The following DLG2 variants were observed in gnomAD, a reference collection of about 807,000 sequenced individuals.
DLG2 encodes disks large homolog 2.
Under a neutral mutation model 132.5 loss-of-function variants are expected in DLG2, and 45 were observed. The observed-to-expected ratio is 0.34, with a 90% confidence interval of 0.27 to 0.44. The LOEUF is 0.44. Among genes scored for constraint, DLG2 ranks in the 20% least tolerant of loss-of-function variants. The pLI is 1.00. For synonymous variants in DLG2, 424 were observed against 419.6 expected (o/e 1.01, Z -0.13); for missense variants, 1,045 against 1,196.9 (o/e 0.87, Z 1.87).
In DLG2 at chr11:84,880,132, G is replaced by A. The variant is rs554868636; in HGVS notation, c.357+231529C>T. ...GTGAATGAGAATAAATGGAGGGGAAGCATCTCACCAGACAGAGAGATCAAA... is the reference window on the plus strand; with the variant it reads ...GTGAATGAGAATAAATGGAGGGGAAACATCTCACCAGACAGAGAGATCAAA... On this transcript the variant is annotated intron_variant, in intron 6 of 27. Coordinates refer to ENST00000376104, the MANE Select transcript of DLG2 (RefSeq NM_001142699.3). Among the ~76,000 whole-genome samples the A allele has an allele frequency of 1.3e-5, 2 of 151,978 alleles. 1 individual carries two copies. The highest frequency in any genetic ancestry group is 4.1e-4 in the South Asian group (2 of 4,830).
At chr11:83,571,592 CAAA>C (rs71066051) in intron 19 of DLG2, among the ~76,000 whole-genome samples, 1,188 of 113,808 alleles carry the variant, frequency 0.01, 17 homozygotes, top group African/African-American at 0.03. Flanking sequence ...GACTCCGTCT[CAAA>C]AAAAAAAAAA....
rs182066077 is a variant in DLG2, at chr11:83,595,822, A to G, written c.1940+37389T>C. 1.1e-4 allele frequency among the ~76,000 whole-genome samples: 16 copies of G among 152,346 alleles called. No homozygotes were observed. The East Asian group carries it at 2.9e-3, about 28-fold the overall frequency. ...ATGACAAGAGTTTCAAAAACAAACAAAAGTCTGCCATTATCAATTTACTGG... is the reference window on the plus strand; with the variant it reads ...ATGACAAGAGTTTCAAAAACAAACAGAAGTCTGCCATTATCAATTTACTGG... On this transcript the variant is annotated intron_variant, in intron 19 of 27. Coordinates refer to ENST00000376104, the MANE Select transcript of DLG2 (RefSeq NM_001142699.3).
At chr11:85,110,121 G>T (rs1289480480) in intron 6 of DLG2, among the ~76,000 whole-genome samples, 1 of 152,010 alleles carries the variant, frequency 6.6e-6, no homozygotes, top group Non-Finnish European at 1.5e-5. Context: ...CAGTAGTTAT[G>T]AAATGATACC....
intron 15 of DLG2, among the ~76,000 whole-genome samples, chr11:83,928,823 C>T (rs1222487132): frequency 6.6e-6 from 1 of 152,094 alleles, no homozygotes; most frequent in Non-Finnish European, 1.5e-5. Context: ...AACAAAATGC[C>T]TGGCACAGAA....
chr11:83,552,882 C>A (rs948741044), intron 19 of DLG2, among the ~76,000 whole-genome samples: 7 of 152,206 alleles, frequency 4.6e-5, no homozygotes, highest in Admixed American at 3.9e-4. Flanking sequence ...AAAACCATGA[C>A]TTTCTCTGGG....
At chr11:83,789,154 C>T (rs1298823952) in intron 17 of DLG2, among the ~76,000 whole-genome samples, 2 of 146,576 alleles carry the variant, frequency 1.4e-5, no homozygotes, top group Non-Finnish European at 3.0e-5. Flanking sequence ...TGTAGATCTC[C>T]ATTCCATTAC....
intron 7 of DLG2, among the ~76,000 whole-genome samples, chr11:84,290,131 C>A (rs1267001213): frequency 6.6e-6 from 1 of 152,116 alleles, no homozygotes; most frequent in Non-Finnish European, 1.5e-5. Context: ...TCATGGTCTT[C>A]ACTGAGCAAA....
chr11:85,220,214 A>G (rs1349766163), intron 4 of DLG2, among the ~76,000 whole-genome samples: 1 of 152,132 alleles, frequency 6.6e-6, no homozygotes, highest in Non-Finnish European at 1.5e-5. Flanking sequence ...AAACATACTA[A>G]GCAGGAAATG....
chr11:83,798,168 G>T (rs1261085445), intron 17 of DLG2, among the ~76,000 whole-genome samples: 1 of 152,218 alleles, frequency 6.6e-6, no homozygotes, highest in Admixed American at 6.5e-5. Context: ...GTCCTGGGAA[G>T]AATACTGGGT....
chr11:84,904,714 T>A (rs1350173690), intron 6 of DLG2, among the ~76,000 whole-genome samples: 1 of 152,166 alleles, frequency 6.6e-6, no homozygotes, highest in Non-Finnish European at 1.5e-5. Flanking sequence ...TAAAACAGTG[T>A]CTAATACACA....
chr11:83,607,888 A>G (rs1447585860), intron 19 of DLG2, among the ~76,000 whole-genome samples: 1 of 152,250 alleles, frequency 6.6e-6, no homozygotes, highest in African/African-American at 2.4e-5. Context: ...CTGCAAGTCT[A>G]AATTTACATG....
At chr11:85,037,987 A>T (rs1403602355) in intron 6 of DLG2, among the ~76,000 whole-genome samples, 2 of 152,104 alleles carry the variant, frequency 1.3e-5, no homozygotes, top group Non-Finnish European at 2.9e-5. Context: ...AAAACCTCTG[A>T]GCTCTGATTT....
intron 6 of DLG2, chr11:84,545,049 G>A (rs771879131): frequency 6.6e-6 from 3 of 452,960 alleles, no homozygotes; most frequent in Non-Finnish European, 1.3e-5. Flanking sequence ...CACTGTGCAT[G>A]GCTGAGTTCA....
chr11:84,449,831 CAAT>C (rs905623710), intron 7 of DLG2, among the ~76,000 whole-genome samples: 4 of 150,894 alleles, frequency 2.7e-5, no homozygotes, highest in Non-Finnish European at 5.9e-5. Context: ...ATAAATAACA[CAAT>C]AAAAATAAAA....
chr11:84,670,631 G>C (rs2099704781), intron 6 of DLG2, among the ~76,000 whole-genome samples: 1 of 152,086 alleles, frequency 6.6e-6, no homozygotes, highest in Non-Finnish European at 1.5e-5. Flanking sequence ...TTGAACATGT[G>C]TTGTTTTACA....
intron 18 of DLG2, among the ~76,000 whole-genome samples, chr11:83,715,884 G>A (rs184515436): frequency 2.2e-3 from 338 of 152,198 alleles, no homozygotes; most frequent in African/African-American, 7.9e-3. Flanking sequence ...TCACACCTCA[G>A]CTTTGACATT....
At chr11:84,946,967 C>T (rs2050296194) in intron 6 of DLG2, among the ~76,000 whole-genome samples, 1 of 152,162 alleles carries the variant, frequency 6.6e-6, no homozygotes, top group Non-Finnish European at 1.5e-5. Flanking sequence ...CCAATTTTTG[C>T]TCTGTGTTGC....
intron 3 of DLG2, among the ~76,000 whole-genome samples, chr11:85,464,195 C>T (rs2092709170): frequency 6.6e-6 from 1 of 152,166 alleles, no homozygotes; most frequent in African/African-American, 2.4e-5. Context: ...ACATGTTCTT[C>T]TAAAATATTC....
intron 11 of DLG2, among the ~76,000 whole-genome samples, chr11:84,007,845 T>TA (rs1244899866): frequency 6.6e-6 from 1 of 151,736 alleles, no homozygotes; most frequent in Non-Finnish European, 1.5e-5. Flanking sequence ...GGCTAATACT[T>TA]ACCTCATAAT....
Sources: gnomAD v4.1 joint callset for allele counts (sites outside exome capture counted in the v4.1 genomes callset) on GRCh38, gnomAD v4.1.1 for gene constraint, MANE v1.5 for transcripts, NCBI Gene and HGNC (gene_info 2026-07-23, HGNC 2026-07-21) for gene names.